ARHGAP15: variants seen among roughly 807,000 people sequenced by gnomAD.
ARHGAP15 encodes the protein Rho GTPase activating protein 15.
ARHGAP15 carries 51 observed loss-of-function variants against 63.7 expected under a neutral mutation model. The ratio of observed to expected loss-of-function variants is 0.80; its 90% CI spans 0.64 to 1.01. The LOEUF is 1.01. ARHGAP15 is among the 50% of genes least tolerant of loss of function. ARHGAP15 has a pLI of 0.00. For missense variants in ARHGAP15, 560 were observed against 564.6 expected, an observed-to-expected ratio of 0.99 and a Z score of 0.08; for synonymous variants, 191 against 193.8, an observed-to-expected ratio of 0.99 and a Z score of 0.12.
intron 3 of ARHGAP15, among the ~76,000 whole-genome samples, chr2:143,214,561 C>T (rs141904950): frequency 2.2e-4 from 33 of 152,122 alleles, no homozygotes; most frequent in African/African-American, 6.7e-4. Flanking sequence ...CAAAAAGGCA[C>T]CAGTGAATAC....
intron 5 of ARHGAP15, among the ~76,000 whole-genome samples, chr2:143,249,241 G>A (rs182925274): frequency 6.6e-6 from 1 of 151,936 alleles, no homozygotes; most frequent in Non-Finnish European, 1.5e-5. Flanking sequence ...CTGCCGGCTG[G>A]GTTTATCCTG....
chr2:143,376,322 T>C (rs914751117), intron 6 of ARHGAP15, among the ~76,000 whole-genome samples: 4 of 152,224 alleles, frequency 2.6e-5, no homozygotes, highest in African/African-American at 9.6e-5. Flanking sequence ...ATATTAACTT[T>C]GGTTTTACTT....
intron 8 of ARHGAP15, among the ~76,000 whole-genome samples, chr2:143,439,739 G>A (rs530866710): frequency 6.6e-6 from 1 of 152,022 alleles, no homozygotes; most frequent in Admixed American, 6.6e-5. Flanking sequence ...TCAAACCCAA[G>A]CAGTCTTATT....
chr2:143,135,915 T>C (rs1006671832), intron 1 of ARHGAP15, among the ~76,000 whole-genome samples: 3 of 152,206 alleles, frequency 2.0e-5, no homozygotes, highest in Admixed American at 2.0e-4. Context: ...ACTAATTATA[T>C]TTCAAGACCA....
intron 6 of ARHGAP15, among the ~76,000 whole-genome samples, chr2:143,425,778 G>A (rs1689116085): frequency 6.6e-6 from 1 of 151,980 alleles, no homozygotes. Context: ...CCTAATGAAT[G>A]ATCATGCTCT....
intron 12 of ARHGAP15, among the ~76,000 whole-genome samples, chr2:143,692,590 AT>A (rs1683659513): frequency 6.6e-6 from 1 of 152,104 alleles, no homozygotes; most frequent in Non-Finnish European, 1.5e-5. Context: ...GTTGCTTGTT[AT>A]TTTTATTTGT....
At chr2:143,155,760 A>G (rs1217937144) in intron 2 of ARHGAP15, 105 bp downstream of exon 2, 11 of 1,191,974 alleles carry the variant, frequency 9.2e-6, no homozygotes, top group Non-Finnish European at 1.2e-5. Context: ...CCTAATGTGC[A>G]TGAGAAAACT....
At chr2:143,655,875 C>T (rs985675724) in intron 12 of ARHGAP15, among the ~76,000 whole-genome samples, 2 of 152,024 alleles carry the variant, frequency 1.3e-5, no homozygotes, top group African/African-American at 2.4e-5. Flanking sequence ...ACTCAGCATT[C>T]GGTACGTCCA....
intron 6 of ARHGAP15, among the ~76,000 whole-genome samples, chr2:143,282,703 G>A (rs928993120): frequency 2.4e-4 from 36 of 152,028 alleles, no homozygotes; most frequent in Non-Finnish European, 1.3e-4. Flanking sequence ...GAGAAAACTG[G>A]GATTCAGAGA....
chr2:143,438,187 C>T (rs560082657), intron 8 of ARHGAP15, among the ~76,000 whole-genome samples: 1 of 152,118 alleles, frequency 6.6e-6, no homozygotes, highest in Admixed American at 6.5e-5. Flanking sequence ...TACTGACATC[C>T]TAAACTTTAG....
intron 3 of ARHGAP15, among the ~76,000 whole-genome samples, chr2:143,208,970 T>C (rs1040428773): frequency 1.3e-5 from 2 of 152,124 alleles, no homozygotes; most frequent in African/African-American, 4.8e-5. Flanking sequence ...TTGCTATGGC[T>C]TGGGGGCAAA....
At chr2:143,654,216 G>T (rs1681316892) in intron 12 of ARHGAP15, among the ~76,000 whole-genome samples, 1 of 152,150 alleles carries the variant, frequency 6.6e-6, no homozygotes, top group South Asian at 2.1e-4. Context: ...TGGAAGATTT[G>T]TTGGAGTGTG....
At chr2:143,388,987 C>T (rs545659958) in intron 6 of ARHGAP15, among the ~76,000 whole-genome samples, 2 of 151,658 alleles carry the variant, frequency 1.3e-5, no homozygotes, top group Non-Finnish European at 2.9e-5. Context: ...TAGATAGCTT[C>T]AGTGTAGGTA....
chr2:143,283,844 G>A (rs547533278), intron 6 of ARHGAP15, among the ~76,000 whole-genome samples: 1 of 152,110 alleles, frequency 6.6e-6, no homozygotes, highest in South Asian at 2.1e-4. Context: ...CACCTATTGG[G>A]CTTTCATTCT....
At chr2:143,145,494 G>A (rs1350147431) in intron 1 of ARHGAP15, among the ~76,000 whole-genome samples, 8 of 152,070 alleles carry the variant, frequency 5.3e-5, no homozygotes, top group South Asian at 2.1e-4. Flanking sequence ...ACAAATAGCC[G>A]GAATTGAGAA....
intron 1 of ARHGAP15, among the ~76,000 whole-genome samples, chr2:143,149,408 C>T (rs1052126323): frequency 1.3e-5 from 2 of 151,970 alleles, no homozygotes; most frequent in African/African-American, 4.8e-5. Context: ...CAGTGGCAAC[C>T]TATGTCTTCC....
chr2:143,258,109 C>A (rs1194036194), intron 6 of ARHGAP15, among the ~76,000 whole-genome samples: 6 of 152,030 alleles, frequency 3.9e-5, no homozygotes, highest in African/African-American at 1.4e-4. Context: ...CATTTTACAG[C>A]TTGTCCATAA....
At chr2:143,567,109 T>C (rs897214066) in intron 11 of ARHGAP15, among the ~76,000 whole-genome samples, 1 of 152,100 alleles carries the variant, frequency 6.6e-6, no homozygotes, top group Non-Finnish European at 1.5e-5. Flanking sequence ...TCTCCTGACC[T>C]CGTGATCTGC....
chr2:143,623,840 T>A (rs1408823675), intron 11 of ARHGAP15, among the ~76,000 whole-genome samples: 2 of 152,260 alleles, frequency 1.3e-5, no homozygotes, highest in Admixed American at 6.5e-5. Context: ...GTGATGCTAA[T>A]TTTCATACTG....
Sources: allele counts gnomAD v4.1 joint callset (sites outside exome capture counted in the v4.1 genomes callset), GRCh38; gene constraint gnomAD v4.1.1; transcripts MANE v1.5; gene names NCBI Gene and HGNC (gene_info 2026-07-23, HGNC 2026-07-21).